Variants in FGF12 observed in about 807,000 individuals in gnomAD.
FGF12 encodes the protein fibroblast growth factor 12, also known as fibroblast growth factor 12B.
A neutral mutation model predicts 23.6 loss-of-function variants in FGF12; 14 were observed. That is an observed-to-expected ratio of 0.59 (90% CI 0.39 to 0.93). The LOEUF is 0.93. FGF12 is among the 40% of genes least tolerant of loss of function. The pLI is 0.00. For synonymous variants in FGF12, 62 were observed against 77.3 expected (o/e 0.80, Z 1.04); for missense variants, 175 against 217.8 (o/e 0.80, Z 1.24).
At chr3:192,384,634 A>G (rs1719965917) in intron 2 of FGF12, among the ~76,000 whole-genome samples, 1 of 152,246 alleles carries the variant, frequency 6.6e-6, no homozygotes, top group Non-Finnish European at 1.5e-5. Flanking sequence ...GAAAATTCTT[A>G]AAGAGAAAAA....
At chr3:192,252,690 T>A (rs909293663) in intron 4 of FGF12, among the ~76,000 whole-genome samples, 1 of 151,804 alleles carries the variant, frequency 6.6e-6, no homozygotes, top group Non-Finnish European at 1.5e-5. Flanking sequence ...AACACAAGGA[T>A]CACCTTAATT....
chr3:192,582,025 T>A (rs913010187), intron 2 of FGF12, among the ~76,000 whole-genome samples: 14 of 152,204 alleles, frequency 9.2e-5, no homozygotes, highest in African/African-American at 3.4e-4. Context: ...AATAAAATTA[T>A]TCTAGGCCCA....
At chr3:192,664,165 G>C (rs1042227598) in intron 2 of FGF12, among the ~76,000 whole-genome samples, 4 of 152,132 alleles carry the variant, frequency 2.6e-5, no homozygotes, top group African/African-American at 9.7e-5. Context: ...ATTTCATTTT[G>C]TGTCAACCAA....
intron 3 of FGF12, among the ~76,000 whole-genome samples, chr3:192,358,827 A>AT (rs935826854): frequency 6.6e-6 from 1 of 151,920 alleles, no homozygotes; most frequent in Non-Finnish European, 1.5e-5. Flanking sequence ...TAATTTTTCA[A>AT]TTTTTTTTAA....
intron 2 of FGF12, among the ~76,000 whole-genome samples, chr3:192,699,134 C>G (rs1718217616): frequency 1.3e-5 from 2 of 152,142 alleles, no homozygotes; most frequent in African/African-American, 4.8e-5. Flanking sequence ...GTTTTTCCTT[C>G]TTATTCCTGG....
chr3:192,344,641 A>G (rs1717864897), intron 3 of FGF12, among the ~76,000 whole-genome samples: 2 of 152,196 alleles, frequency 1.3e-5, no homozygotes, highest in South Asian at 4.1e-4. Context: ...CTGACAGCAT[A>G]CACTGTGGGT....
chr3:192,192,826 G>A (rs1410197576), intron 4 of FGF12, among the ~76,000 whole-genome samples: 2 of 152,058 alleles, frequency 1.3e-5, no homozygotes, highest in Admixed American at 6.6e-5. Context: ...ATACATCAGC[G>A]CATACATAGC....
chr3:192,447,912 G>A (rs1722406823), intron 2 of FGF12, among the ~76,000 whole-genome samples: 1 of 152,106 alleles, frequency 6.6e-6, no homozygotes, highest in African/African-American at 2.4e-5. Flanking sequence ...TACCCCCAAA[G>A]GTAATTATCA....
intron 2 of FGF12, among the ~76,000 whole-genome samples, chr3:192,399,416 C>A (rs1324043445): frequency 6.6e-6 from 1 of 152,172 alleles, no homozygotes; most frequent in Non-Finnish European, 1.5e-5. Context: ...GGAATGCCAG[C>A]CTCTCGAACT....
rs1272382682 is a variant in FGF12, at chr3:192,167,756, T to C, written c.427+2702A>G. On this transcript the variant is annotated intron_variant, in intron 5 of 5. Coordinates refer to ENST00000445105, the MANE Select transcript of FGF12 (RefSeq NM_004113.6). ...GTATATATATATATATATATATATATATATATATATATAAAATTTTTTTTT... is the reference window on the plus strand; with the variant it reads ...GTATATATATATATATATATATATACATATATATATATAAAATTTTTTTTT... Among the ~76,000 whole-genome samples the C allele has an allele frequency of 2.0e-3, 65 of 32,312 alleles. 3 individuals are homozygous for C. The highest frequency in any genetic ancestry group is 3.2e-3 in the Non-Finnish European group (55 of 17,234). 21.2% of individuals were successfully genotyped at this position (32,312 alleles called of 152,430 possible).
chr3:192,433,326 G>A (rs930406909), intron 2 of FGF12, among the ~76,000 whole-genome samples: 1 of 152,156 alleles, frequency 6.6e-6, no homozygotes, highest in African/African-American at 2.4e-5. Flanking sequence ...AACTGCAGAA[G>A]GACAAACAAG....
intron 2 of FGF12, among the ~76,000 whole-genome samples, chr3:192,450,762 G>A (rs1318973769): frequency 6.6e-6 from 1 of 152,196 alleles, no homozygotes; most frequent in Non-Finnish European, 1.5e-5. Context: ...TTCTGATAGT[G>A]AAGAGATCAT....
rs531573957 is a variant in FGF12, at chr3:192,325,098, C to T, written c.228+10263G>A. Among the ~76,000 whole-genome samples, 3 of 152,216 alleles carry T rather than the reference C, an allele frequency of 2.0e-5. No homozygotes were observed. In the East Asian group the frequency reaches 5.8e-4, roughly 29 times the overall value. ...TCTGTTGTTTCTGAAAAAAGACAAC[C>T]TAATCCCAACAAAAAATAACCCATG... On this transcript the variant is annotated intron_variant, in intron 4 of 5. Coordinates refer to ENST00000445105, the MANE Select transcript of FGF12 (RefSeq NM_004113.6).
At chr3:192,593,581 A>G (rs749602754) in intron 2 of FGF12, among the ~76,000 whole-genome samples, 2 of 152,004 alleles carry the variant, frequency 1.3e-5, no homozygotes, top group Admixed American at 6.6e-5. Context: ...GAATGAATGA[A>G]CAAACTCTAA....
chr3:192,315,109 A>G (rs76425934), intron 4 of FGF12, among the ~76,000 whole-genome samples: 1 of 152,164 alleles, frequency 6.6e-6, no homozygotes, highest in Admixed American at 6.5e-5. Flanking sequence ...TAACATAACT[A>G]CTAGGTTTTT....
At chr3:192,534,645 G>A (rs1725183112) in intron 2 of FGF12, among the ~76,000 whole-genome samples, 1 of 152,092 alleles carries the variant, frequency 6.6e-6, no homozygotes. Flanking sequence ...CCCTGCCTTG[G>A]CCTCCCAAAG....
intron 4 of FGF12, among the ~76,000 whole-genome samples, chr3:192,252,501 G>GAAGAGAAGAC (rs1180756942): frequency 1.5e-3 from 191 of 126,498 alleles, no homozygotes; most frequent in Non-Finnish European, 2.5e-3. Flanking sequence ...AAAGAAAAGA[G>GAAGAGAAGAC]AAGAGAAGAC....
chr3:192,583,957 A>G (rs1713267087), intron 2 of FGF12, among the ~76,000 whole-genome samples: 1 of 152,232 alleles, frequency 6.6e-6, no homozygotes. Context: ...CTTAAAAAAA[A>G]TCTGAGCTCA....
intron 4 of FGF12, among the ~76,000 whole-genome samples, chr3:192,307,576 A>C (rs1017315197): frequency 6.6e-6 from 1 of 152,252 alleles, no homozygotes; most frequent in Non-Finnish European, 1.5e-5. Flanking sequence ...TTCTACAGGC[A>C]GAATTTTTTT....
Sources: gnomAD v4.1 joint callset for allele counts (sites outside exome capture counted in the v4.1 genomes callset) on GRCh38, gnomAD v4.1.1 for gene constraint, MANE v1.5 for transcripts, NCBI Gene and HGNC (gene_info 2026-07-23, HGNC 2026-07-21) for gene names.